PTPRD: variants seen among roughly 807,000 people sequenced by gnomAD.
PTPRD encodes the protein receptor-type tyrosine-protein phosphatase delta.
PTPRD carries 34 observed loss-of-function variants against 214.5 expected under a neutral mutation model. The observed-to-expected ratio is 0.16, with a 90% CI of 0.12 to 0.21. PTPRD has a LOEUF of 0.21. Among genes scored for constraint, PTPRD ranks in the 10% least tolerant of loss-of-function variants. The probability of loss-of-function intolerance (pLI) is 1.00; values close to 1 mark genes in which losing one functional copy is unlikely to be tolerated. For synonymous variants in PTPRD, 1,128 were observed against 845.7 expected (o/e 1.33, Z -5.79); for missense variants, 2,545 against 2,398.7 (o/e 1.06, Z -1.27).
At chr9:9,760,518 G>A (rs1051981783) in intron 6 of PTPRD, among the ~76,000 whole-genome samples, 6 of 148,846 alleles carry the variant, frequency 4.0e-5, no homozygotes, top group East Asian at 2.1e-4. Context: ...TCAGGACTTC[G>A]GACTTATATG....
chr9:10,360,771 T>G (rs919584844), intron 2 of PTPRD, among the ~76,000 whole-genome samples: 1 of 152,194 alleles, frequency 6.6e-6, no homozygotes, highest in Non-Finnish European at 1.5e-5. Context: ...TACATTTTGT[T>G]AACTGATAAA....
At chr9:10,266,649 G>C (rs929991567) in intron 3 of PTPRD, among the ~76,000 whole-genome samples, 5 of 152,046 alleles carry the variant, frequency 3.3e-5, no homozygotes, top group Non-Finnish European at 5.9e-5. Flanking sequence ...AATGTAAAGA[G>C]AATACTTAGC....
chr9:9,947,093 A>G (rs2092665902), intron 4 of PTPRD, among the ~76,000 whole-genome samples: 1 of 150,510 alleles, frequency 6.6e-6, no homozygotes, highest in African/African-American at 2.4e-5. Context: ...TTTATAAAAA[A>G]TAACTTGGAA....
At chr9:8,811,723 A>G (rs2154522902) in intron 11 of PTPRD, among the ~76,000 whole-genome samples, 1 of 152,312 alleles carries the variant, frequency 6.6e-6, no homozygotes, top group South Asian at 2.1e-4. Flanking sequence ...AAGTCTAGAA[A>G]AGTATCTTTG....
intron 2 of PTPRD, among the ~76,000 whole-genome samples, chr9:10,592,376 T>A (rs1244243401): frequency 1.3e-5 from 2 of 152,022 alleles, no homozygotes; most frequent in Non-Finnish European, 2.9e-5. Context: ...AAAAGGCTGT[T>A]TAAAATGACA....
chr9:8,600,596 G>A (rs2094796788), intron 14 of PTPRD, among the ~76,000 whole-genome samples: 1 of 151,732 alleles, frequency 6.6e-6, no homozygotes, highest in Admixed American at 6.6e-5. Flanking sequence ...ATGGGGCACT[G>A]GTCAGGTCAT....
At chr9:9,980,819 T>C (rs891418320) in intron 4 of PTPRD, among the ~76,000 whole-genome samples, 6 of 151,082 alleles carry the variant, frequency 4.0e-5, no homozygotes, top group African/African-American at 1.5e-4. Flanking sequence ...AGCGTATTTA[T>C]AGGTAGTTCA....
chr9:9,953,118 G>C (rs749263618), intron 4 of PTPRD, among the ~76,000 whole-genome samples: 1 of 152,092 alleles, frequency 6.6e-6, no homozygotes, highest in African/African-American at 2.4e-5. Flanking sequence ...TATCCATTTT[G>C]TTCATACAGA....
chr9:9,028,176 C>A (rs920304066), intron 10 of PTPRD, among the ~76,000 whole-genome samples: 1 of 151,932 alleles, frequency 6.6e-6, no homozygotes, highest in African/African-American at 2.4e-5. Context: ...TTTTCCAACA[C>A]GTTCTTTTAT....
intron 5 of PTPRD, among the ~76,000 whole-genome samples, chr9:9,775,032 T>C (rs915184362): frequency 6.6e-6 from 1 of 152,194 alleles, no homozygotes; most frequent in Non-Finnish European, 1.5e-5. Context: ...GGAGACAAGA[T>C]GAAGGAAGTA....
chr9:8,545,674 A>G (rs2079887520), intron 14 of PTPRD, among the ~76,000 whole-genome samples: 1 of 152,192 alleles, frequency 6.6e-6, no homozygotes, highest in African/African-American at 2.4e-5. Context: ...CAGAGACATT[A>G]CCTCATTCAG....
chr9:10,413,737 C>T (rs957857703), intron 2 of PTPRD, among the ~76,000 whole-genome samples: 29 of 152,008 alleles, frequency 1.9e-4, no homozygotes, highest in African/African-American at 6.0e-4. Context: ...TACAAAACAG[C>T]AAGATATTGG....
chr9:9,833,327 C>T (rs955223650), intron 5 of PTPRD, among the ~76,000 whole-genome samples: 1 of 151,838 alleles, frequency 6.6e-6, no homozygotes, highest in African/African-American at 2.4e-5. Context: ...CCCCACAAGC[C>T]ACAAAAACCA....
intron 14 of PTPRD, among the ~76,000 whole-genome samples, chr9:8,579,013 T>C (rs981753661): frequency 1.3e-5 from 2 of 152,214 alleles, no homozygotes; most frequent in African/African-American, 4.8e-5. Flanking sequence ...ACAGAGATGA[T>C]ATATTTTTAC....
In PTPRD at chr9:9,770,844, G is replaced by A. The variant is rs538531017; in HGVS notation, c.-367-3993C>T. Among the ~76,000 whole-genome samples the A allele has an allele frequency of 3.3e-5, 5 of 152,256 alleles. No homozygotes were observed. The East Asian group carries it at 9.6e-4, about 29-fold the overall frequency. On this transcript the variant is annotated intron_variant, in intron 5 of 45. Transcript: ENST00000381196. ...TGATGAAATGAGAAGAGGAAGGGTA[G>A]GAGGTGAGGGGAATTTTGTTTTTGT... is the stretch of plus-strand genomic sequence containing the variant.
intron 14 of PTPRD, among the ~76,000 whole-genome samples, chr9:8,550,524 T>A (rs2081720595): frequency 2.6e-5 from 4 of 152,216 alleles, no homozygotes; most frequent in Admixed American, 2.6e-4. Flanking sequence ...AATGACCTAC[T>A]GGATAATGTA....
At chr9:8,361,556 C>T (rs1231132616) in intron 39 of PTPRD, among the ~76,000 whole-genome samples, 1 of 152,134 alleles carries the variant, frequency 6.6e-6, no homozygotes, top group Non-Finnish European at 1.5e-5. Context: ...GTAATAAATG[C>T]CCTTTACACT....
intron 5 of PTPRD, among the ~76,000 whole-genome samples, chr9:9,768,871 G>T (rs1468365546): frequency 6.6e-6 from 1 of 152,164 alleles, no homozygotes; most frequent in Non-Finnish European, 1.5e-5. Flanking sequence ...TGAGCTTAAA[G>T]AGTAAACAGA....
intron 10 of PTPRD, among the ~76,000 whole-genome samples, chr9:9,125,035 T>C (rs1207642154): frequency 6.6e-6 from 1 of 152,162 alleles, no homozygotes; most frequent in Non-Finnish European, 1.5e-5. Context: ...CCACTGTCTA[T>C]CCATTTTCTA....
Sources: allele counts gnomAD v4.1 joint callset (sites outside exome capture counted in the v4.1 genomes callset), GRCh38; gene constraint gnomAD v4.1.1; transcripts MANE v1.5; gene names NCBI Gene and HGNC (gene_info 2026-07-23, HGNC 2026-07-21).